Variants in CA10 observed in about 807,000 individuals in gnomAD.
CA10 encodes the protein carbonic anhydrase-related protein 10.
In CA10, 14 loss-of-function variants were observed where a neutral mutation model predicts 44.2. The observed-to-expected ratio is 0.32, with a 90% CI of 0.21 to 0.50. The LOEUF (loss-of-function observed/expected upper bound fraction) is 0.50, where lower values mean the gene tolerates loss of function less well. CA10 is among the 20% of genes least tolerant of loss of function. The pLI is 0.99. For missense variants in CA10, 350 were observed against 409.7 expected (o/e 0.85, Z 1.26); for synonymous variants, 159 against 141.6 (o/e 1.12, Z -0.87).
At chr17:52,142,526 T>C (rs1447266579) in intron 1 of CA10, among the ~76,000 whole-genome samples, 2 of 151,984 alleles carry the variant, frequency 1.3e-5, no homozygotes, top group African/African-American at 4.8e-5. Context: ...TTGAAAATAC[T>C]TGGAAAATGG....
chr17:51,751,099 T>G (rs1904874822), intron 3 of CA10, among the ~76,000 whole-genome samples: 1 of 152,090 alleles, frequency 6.6e-6, no homozygotes, highest in Non-Finnish European at 1.5e-5. Flanking sequence ...TCCATGAAAA[T>G]GGCAGACAAA....
intron 3 of CA10, among the ~76,000 whole-genome samples, chr17:51,786,833 T>C (rs1906307847): frequency 6.6e-6 from 1 of 152,212 alleles, no homozygotes; most frequent in Non-Finnish European, 1.5e-5. Context: ...GCTTTTATTA[T>C]GGTGAGGTAC....
At chr17:51,700,543 C>T (rs1478268602) in intron 4 of CA10, among the ~76,000 whole-genome samples, 2 of 152,134 alleles carry the variant, frequency 1.3e-5, no homozygotes, top group African/African-American at 2.4e-5. Context: ...ACATTGTTCC[C>T]CACCTGTGCT....
chr17:51,988,917 CTTT>C (rs920064182), intron 2 of CA10, among the ~76,000 whole-genome samples: 6 of 151,724 alleles, frequency 4.0e-5, no homozygotes, highest in African/African-American at 1.5e-4. Context: ...GCTATTTCAC[CTTT>C]TTTTGGATGT....
chr17:51,634,370 T>C (rs1407518233), intron 7 of CA10, among the ~76,000 whole-genome samples: 3 of 152,220 alleles, frequency 2.0e-5, no homozygotes, highest in Non-Finnish European at 2.9e-5. Context: ...TCCCATTCAA[T>C]ACAGATAGGT....
chr17:51,929,781 T>C (rs760235655), intron 3 of CA10, among the ~76,000 whole-genome samples: 5 of 152,140 alleles, frequency 3.3e-5, no homozygotes, highest in Non-Finnish European at 7.4e-5. Flanking sequence ...AAACTATAAA[T>C]GGAACAATAA....
At chr17:51,803,981 C>T (rs117557199) in intron 3 of CA10, among the ~76,000 whole-genome samples, 84 of 152,314 alleles carry the variant, frequency 5.5e-4, no homozygotes, top group Non-Finnish European at 9.8e-4. Context: ...TGGATACTCA[C>T]TGGCCGTGTG....
intron 1 of CA10, among the ~76,000 whole-genome samples, chr17:52,077,663 T>C (rs1318926456): frequency 6.6e-6 from 1 of 151,598 alleles, no homozygotes; most frequent in Non-Finnish European, 1.5e-5. Flanking sequence ...AAAATCAGAA[T>C]GTTGAAATAT....
At chr17:51,763,774 CCTT>C (rs1272795794) in intron 3 of CA10, among the ~76,000 whole-genome samples, 1 of 152,070 alleles carries the variant, frequency 6.6e-6, no homozygotes, top group Non-Finnish European at 1.5e-5. Flanking sequence ...AGTAACCTTT[CCTT>C]CTTCTCCTTC....
chr17:51,640,961 T>C (rs1913055086), intron 6 of CA10, among the ~76,000 whole-genome samples: 1 of 151,926 alleles, frequency 6.6e-6, no homozygotes, highest in African/African-American at 2.4e-5. Flanking sequence ...GAGGTCAGAG[T>C]TGTTTGTGAA....
intron 3 of CA10, among the ~76,000 whole-genome samples, chr17:51,754,400 G>GATATATATATATATAT (rs56145404): frequency 2.7e-5 from 2 of 73,102 alleles, no homozygotes; most frequent in African/African-American, 5.5e-5. Context: ...GTGTGTGTGT[G>GATATATATATATATAT]ATATATATAT....
At chr17:52,002,565 G>A (rs144982710) in intron 2 of CA10, among the ~76,000 whole-genome samples, 1 of 152,004 alleles carries the variant, frequency 6.6e-6, no homozygotes, top group Non-Finnish European at 1.5e-5. Context: ...ATGGATGCCT[G>A]CACAAAAATA....
chr17:51,756,065 T>C (rs1048749316), intron 3 of CA10, among the ~76,000 whole-genome samples: 1 of 79,900 alleles, frequency 1.3e-5, no homozygotes, highest in African/African-American at 6.5e-5. Context: ...CTTCAGCAGA[T>C]TTTTTTTTTT....
chr17:51,739,134 T>C (rs975512618), intron 4 of CA10, among the ~76,000 whole-genome samples: 7 of 152,156 alleles, frequency 4.6e-5, no homozygotes, highest in Admixed American at 4.6e-4. Flanking sequence ...CAAATTTTCA[T>C]TGGCCACTGA....
chr17:51,797,001 CAGAA>C lies in CA10; in HGVS notation c.280-49187_280-49184del, dbSNP rs1191180731. Among the ~76,000 whole-genome samples the C allele has an allele frequency of 2.4e-4, 37 of 152,242 alleles. 1 individual carries two copies. Among genetic ancestry groups the C allele is most frequent in the African/African-American group, 8.7e-4 (36 of 41,534 alleles). Reference sequence around the variant, plus strand: ...TCTTTAAAGGCCTCCTTTTTACTGCCAGAAGCATCTCATACACACTTAGATTTCT... The same window carrying C: ...TCTTTAAAGGCCTCCTTTTTACTGCCGCATCTCATACACACTTAGATTTCT... On this transcript the variant is annotated intron_variant, in intron 3 of 8. Coordinates refer to ENST00000451037, the MANE Select transcript of CA10 (RefSeq NM_020178.5).
At chr17:52,099,665 C>T (rs546555381) in intron 1 of CA10, among the ~76,000 whole-genome samples, 138 of 152,208 alleles carry the variant, frequency 9.1e-4, no homozygotes, top group Admixed American at 9.0e-3. Context: ...AATGTGCTGT[C>T]GGGCAAGAGC....
At chr17:51,873,722 C>A (rs1006353637) in intron 3 of CA10, among the ~76,000 whole-genome samples, 4 of 152,194 alleles carry the variant, frequency 2.6e-5, no homozygotes, top group Admixed American at 1.3e-4. Flanking sequence ...TTTGGTTCTG[C>A]TCCTTTTGAC....
intron 1 of CA10, among the ~76,000 whole-genome samples, chr17:52,109,269 G>A (rs939440618): frequency 6.6e-6 from 1 of 152,094 alleles, no homozygotes; most frequent in African/African-American, 2.4e-5. Flanking sequence ...AGAGATTTTC[G>A]GAGAAAACAT....
At chr17:51,822,682 G>A (rs1907858786) in intron 3 of CA10, among the ~76,000 whole-genome samples, 1 of 152,208 alleles carries the variant, frequency 6.6e-6, no homozygotes, top group Admixed American at 6.5e-5. Flanking sequence ...TAGGAAGAAT[G>A]TGTAGCATGG....
Sources: gnomAD v4.1 joint callset for allele counts (sites outside exome capture counted in the v4.1 genomes callset) on GRCh38, gnomAD v4.1.1 for gene constraint, MANE v1.5 for transcripts, NCBI Gene and HGNC (gene_info 2026-07-23, HGNC 2026-07-21) for gene names.